SNTG1: variants seen among roughly 807,000 people sequenced by gnomAD.
SNTG1 encodes syntrophin gamma 1.
In SNTG1, 39 loss-of-function variants were observed where a neutral mutation model predicts 74.7. That is an observed-to-expected ratio of 0.52 (90% confidence interval 0.40 to 0.68). The LOEUF (loss-of-function observed/expected upper bound fraction) is 0.68, where lower values mean the gene tolerates loss of function less well. Ranked by LOEUF, SNTG1 falls within the 30% of genes least tolerant of loss-of-function variation. SNTG1 has a pLI of 0.00. For synonymous variants in SNTG1, 254 were observed against 217.1 expected (o/e 1.17, Z -1.49); for missense variants, 685 against 609.5 (o/e 1.12, Z -1.30).
chr8:50,587,322 TCTTATCA>T (rs1227040247), intron 12 of SNTG1, among the ~76,000 whole-genome samples: 3 of 142,562 alleles, frequency 2.1e-5, no homozygotes, highest in Non-Finnish European at 4.6e-5. Context: ...AAGCATCGTA[TCTTATCA>T]ATCTTATCAA....
intron 4 of SNTG1, among the ~76,000 whole-genome samples, chr8:50,414,572 A>T (rs1186938178): frequency 6.6e-6 from 1 of 152,030 alleles, no homozygotes; most frequent in African/African-American, 2.4e-5. Flanking sequence ...ATACTTCGTC[A>T]TCATTCCTGA....
At chr8:50,426,840 T>A (rs1433413316) in intron 4 of SNTG1, among the ~76,000 whole-genome samples, 1 of 151,460 alleles carries the variant, frequency 6.6e-6, no homozygotes, top group Non-Finnish European at 1.5e-5. Flanking sequence ...AACACAAATT[T>A]AAAAAGCAAT....
chr8:50,306,227 C>A (rs2089891357), intron 2 of SNTG1, among the ~76,000 whole-genome samples: 1 of 152,018 alleles, frequency 6.6e-6, no homozygotes, highest in Non-Finnish European at 1.5e-5. Context: ...GACGTTATTT[C>A]ATTCCATTTT....
chr8:50,264,434 G>A (rs2087350163), intron 2 of SNTG1, among the ~76,000 whole-genome samples: 2 of 151,986 alleles, frequency 1.3e-5, no homozygotes, highest in South Asian at 2.1e-4. Context: ...ATTGCATGTG[G>A]TGGTGCATGC....
At chr8:50,326,606 GCTA>G (rs573350933) in intron 2 of SNTG1, among the ~76,000 whole-genome samples, 160 of 150,748 alleles carry the variant, frequency 1.1e-3, no homozygotes, top group African/African-American at 3.5e-3. Context: ...AGTTAGCCTA[GCTA>G]CTGTTTTACT....
At chr8:50,737,097 C>T (rs2095530780) in intron 17 of SNTG1, among the ~76,000 whole-genome samples, 1 of 151,764 alleles carries the variant, frequency 6.6e-6, no homozygotes, top group African/African-American at 2.4e-5. Flanking sequence ...ACATGAAAAA[C>T]CCTTCAAAAA....
At chr8:50,466,280 G>C (rs1356547655) in intron 8 of SNTG1, among the ~76,000 whole-genome samples, 1 of 151,900 alleles carries the variant, frequency 6.6e-6, no homozygotes, top group Non-Finnish European at 1.5e-5. Context: ...CTTTCTAATA[G>C]TTTCAGCACA....
At chr8:50,101,725 C>T (rs2080133269) in intron 1 of SNTG1, among the ~76,000 whole-genome samples, 1 of 151,154 alleles carries the variant, frequency 6.6e-6, no homozygotes, top group South Asian at 2.1e-4. Flanking sequence ...CACCCCACAA[C>T]AGTCCCCAGA....
intron 17 of SNTG1, among the ~76,000 whole-genome samples, chr8:50,729,026 CCTGT>C (rs1370760825): frequency 6.6e-6 from 1 of 152,184 alleles, no homozygotes; most frequent in Non-Finnish European, 1.5e-5. Context: ...GCATGCTGAG[CCTGT>C]CTATCTGTGA....
intron 8 of SNTG1, among the ~76,000 whole-genome samples, chr8:50,473,048 T>C (rs1024523152): frequency 6.6e-6 from 1 of 152,180 alleles, no homozygotes; most frequent in Non-Finnish European, 1.5e-5. Context: ...CGTTGGCAAG[T>C]GATATGGTTA....
At chr8:50,386,998 C>A (rs2092585436) in intron 2 of SNTG1, among the ~76,000 whole-genome samples, 1 of 152,082 alleles carries the variant, frequency 6.6e-6, no homozygotes, top group Non-Finnish European at 1.5e-5. Context: ...CTAGAATTTT[C>A]ACTCAACCTA....
intron 1 of SNTG1, among the ~76,000 whole-genome samples, chr8:50,053,413 G>A (rs1346905041): frequency 6.6e-6 from 1 of 151,816 alleles, no homozygotes; most frequent in East Asian, 1.9e-4. Flanking sequence ...ATAGACTGGT[G>A]GTTTCCAGGG....
At chr8:50,775,514 A>C (rs1170555550) in intron 18 of SNTG1, among the ~76,000 whole-genome samples, 2 of 151,624 alleles carry the variant, frequency 1.3e-5, no homozygotes, top group African/African-American at 4.8e-5. Flanking sequence ...TAATTATTTT[A>C]AATTTATTGA....
At position 50,645,700 on chromosome 8, in the gene SNTG1, G is replaced by A. The variant is rs987923507; in HGVS notation, c.850-11209G>A. 2.6e-5 allele frequency among the ~76,000 whole-genome samples: 4 copies of A among 152,274 alleles called. No individual in the cohort carries two copies. In the East Asian group the frequency reaches 5.8e-4, roughly 22 times the overall value. Reference sequence around the variant, plus strand: ...AGGACTGTGTGCTTATGAAGGGCTCGTGGAACACTTAGGCTGCAACCTTTA... The same window carrying A: ...AGGACTGTGTGCTTATGAAGGGCTCATGGAACACTTAGGCTGCAACCTTTA... On this transcript the variant is annotated intron_variant, in intron 13 of 18. Transcript: ENST00000642720.
chr8:50,102,881 G>A (rs203914), intron 1 of SNTG1, among the ~76,000 whole-genome samples: 88,665 of 144,776 alleles, frequency 0.61, 27,654 homozygotes, highest in East Asian at 0.82. Flanking sequence ...GATATGCGGC[G>A]TTATTTCTGA....
intron 17 of SNTG1, among the ~76,000 whole-genome samples, chr8:50,737,751 C>G (rs2095532546): frequency 6.6e-6 from 1 of 152,090 alleles, no homozygotes; most frequent in African/African-American, 2.4e-5. Context: ...AAGGCTGTTT[C>G]AACGTATGCA....
intron 12 of SNTG1, among the ~76,000 whole-genome samples, chr8:50,570,591 G>GTTGTTA (rs137977278): frequency 0.053 from 6,856 of 129,992 alleles, 513 homozygotes; most frequent in African/African-American, 0.17. Context: ...TATTATTGTT[G>GTTGTTA]TTATTATTAT....
chr8:50,514,370 TTCTC>T (rs576667292), intron 9 of SNTG1, among the ~76,000 whole-genome samples: 1 of 152,188 alleles, frequency 6.6e-6, no homozygotes, highest in Admixed American at 6.5e-5. Context: ...TGATAAAATT[TTCTC>T]TCTTTGTAAT....
chr8:50,712,903 T>C (rs923234538), intron 17 of SNTG1, among the ~76,000 whole-genome samples: 1 of 152,208 alleles, frequency 6.6e-6, no homozygotes, highest in East Asian at 1.9e-4. Context: ...CAGTCTATCA[T>C]TGATGGGCGT....
Sources: allele counts gnomAD v4.1 joint callset (sites outside exome capture counted in the v4.1 genomes callset), GRCh38; gene constraint gnomAD v4.1.1; transcripts MANE v1.5; gene names NCBI Gene and HGNC (gene_info 2026-07-23, HGNC 2026-07-21).